Variants in CHRND observed in about 807,000 individuals in gnomAD.
CHRND encodes cholinergic receptor nicotinic delta subunit.
A neutral mutation model predicts 57.8 loss-of-function variants in CHRND; 40 were observed. The observed-to-expected ratio is 0.69, with a 90% CI of 0.54 to 0.90. CHRND has a LOEUF of 0.90. Among genes scored for constraint, CHRND ranks in the 40% least tolerant of loss-of-function variants. The pLI is 0.00. For synonymous variants in CHRND, 237 were observed against 270.6 expected (o/e 0.88, Z 1.22); for missense variants, 634 against 673.9 (o/e 0.94, Z 0.66).
In CHRND at chr2:232,528,834, G is replaced by A. The variant is rs116037888; in HGVS notation, c.510-28G>A. On this transcript the variant is annotated intron_variant, in intron 5 of 11. Coordinates refer to ENST00000258385, the MANE Select transcript of CHRND (RefSeq NM_000751.3). ...CTGTGGCCCCAGCCACTGGCCGAGT[G>A]TCACTCTCTGCCCATTGCCCTCCCC... 1,726 of 1,600,282 alleles carry A rather than the reference G, an allele frequency of 1.1e-3. 13 individuals are homozygous for A. The African/African-American group carries it at 0.019, about 18-fold the overall frequency.
In CHRND at chr2:232,535,191, C is replaced by T. The variant is rs142928493; in HGVS notation, c.1433C>T (p.Thr478Met). The T allele has an allele frequency of 4.8e-5, 78 of 1,614,094 alleles. No individual in the cohort carries two copies. Among genetic ancestry groups the T allele is most frequent in the Middle Eastern group, 3.3e-4 (2 of 6,084 alleles). ...GACCGCCTCTGCCTGTTTGTGGTGA[C>T]GCCTGTCATGGTGGTGGGCACAGCC... ...TVDRLCLFVV[T>M]PVMVVGTAWI... The change falls in exon 12 of 12, where the codon ACG becomes ATG. Residue 478 changes from threonine to methionine, a missense_variant. Physicochemically the swap from Thr to Met is moderately conservative, Grantham distance 81 (BLOSUM62 -1). Coordinates refer to ENST00000258385, the MANE Select transcript of CHRND (RefSeq NM_000751.3).
chr2:232,528,455 T>TC, intron 4 of CHRND, 46 bp from the exon 5 acceptor site: 1 of 1,613,904 alleles, frequency 6.2e-7, no homozygotes, highest in South Asian at 1.1e-5. Context: ...ACTCTGCCAG[T>TC]CGTGAGTGGC....
chr2:232,535,576 G>A lies in CHRND; in HGVS notation c.*264G>A, dbSNP rs1047987908. On this transcript the variant is annotated 3_prime_UTR_variant, in exon 12 of 12. Coordinates refer to ENST00000258385, the MANE Select transcript of CHRND (RefSeq NM_000751.3). ...GGCCCGAGGCTGGCTCAGGGGCCAG[G>A]GAGGAGGCCACTCAGGGTGGCCTCA... 3.1e-6 allele frequency: 2 copies of A among 640,812 alleles called. No homozygotes were observed. The highest frequency in any genetic ancestry group is 4.1e-4 in the Middle Eastern group (1 of 2,432). 39.7% of individuals were successfully genotyped at this position (640,812 alleles called of 1,614,324 possible).
At chr2:232,527,508 G>T (rs1691523980) in intron 3 of CHRND, 63 bp downstream of exon 3, 4 of 1,240,802 alleles carry the variant, frequency 3.2e-6, no homozygotes, top group African/African-American at 1.5e-5. Context: ...ACTTTGGAAG[G>T]CCGAGGGGGG....
At chr2:232,530,605 G>A (rs944889467) in intron 7 of CHRND, among the ~76,000 whole-genome samples, 4 of 152,168 alleles carry the variant, frequency 2.6e-5, no homozygotes, top group Non-Finnish European at 5.9e-5. Flanking sequence ...TATGAGCAGG[G>A]CATAGTGAGT....
intron 1 of CHRND, 64 bp downstream of exon 1, chr2:232,526,331 ATGGC>A (rs1003889655): frequency 1.3e-6 from 2 of 1,563,718 alleles, no homozygotes; most frequent in African/African-American, 2.7e-5. Context: ...CCCACACCGC[ATGGC>A]TCCTCACTCA....
intron 9 of CHRND, 112 bp downstream of exon 9, chr2:232,531,768 G>A: frequency 1.2e-6 from 1 of 837,224 alleles, no homozygotes; most frequent in Non-Finnish European, 2.0e-6. Context: ...GGGCAACATA[G>A]AGACACCCCT....
intron 6 of CHRND, 128 bp from the exon 7 acceptor site, chr2:232,529,811 G>C: frequency 1.1e-6 from 1 of 919,484 alleles, no homozygotes; most frequent in Admixed American, 2.4e-5. Flanking sequence ...CCCACCAACG[G>C]GACCCCGTAG....
chr2:232,526,426 C>T, intron 1 of CHRND, 103 bp from the exon 2 acceptor site: 1 of 1,578,848 alleles, frequency 6.3e-7, no homozygotes, highest in Non-Finnish European at 8.7e-7. Context: ...TGGGTTCCCC[C>T]CTGCTCATCC....
In CHRND at chr2:232,528,752, G is replaced by C. The variant is rs1691576600; in HGVS notation, c.509+96G>C. On this transcript the variant is annotated intron_variant, in intron 5 of 11. Transcript: ENST00000258385. ...ACCCTCAGACAGAGGCCCCTGCCCT[G>C]TCTGGATTAGTGCTGCCCTCCCCAC... The C allele has an allele frequency of 5.6e-6, 9 of 1,593,556 alleles. No individual in the cohort carries two copies. The African/African-American group carries it at 6.7e-5, about 12-fold the overall frequency.
chr2:232,530,159 C>T lies in CHRND; in HGVS notation c.820+20C>T, dbSNP rs750335170. On this transcript the variant is annotated intron_variant, in intron 7 of 11. Coordinates refer to ENST00000258385, the MANE Select transcript of CHRND (RefSeq NM_000751.3). ...CTGACAGTGAGCCTCCAGGCCCCGTCCCCTGCTCCCCCTCCCCAAGCCCAC... is the reference window on the plus strand; with the variant it reads ...CTGACAGTGAGCCTCCAGGCCCCGTTCCCTGCTCCCCCTCCCCAAGCCCAC... 2 of 1,611,068 alleles carry T rather than the reference C, an allele frequency of 1.2e-6. No homozygotes were observed. The highest frequency in any genetic ancestry group is 2.2e-5 in the South Asian group (2 of 91,034).
chr2:232,534,174 G>T, intron 10 of CHRND, 39 bp downstream of exon 10: 5 of 1,614,066 alleles, frequency 3.1e-6, no homozygotes, highest in Non-Finnish European at 4.2e-6. Context: ...CCCATCTGTG[G>T]GAGGTGGGTG....
chr2:232,526,346 C>T, intron 1 of CHRND, 79 bp downstream of exon 1: 1 of 1,539,864 alleles, frequency 6.5e-7, no homozygotes, highest in Non-Finnish European at 8.9e-7. Flanking sequence ...TCCTCACTCA[C>T]TCCACTCCCA....
chr2:232,529,973 C>T lies in CHRND; in HGVS notation c.654C>T (p.Ala218=). 1 of 1,614,148 alleles carries T rather than the reference C, an allele frequency of 6.2e-7. No homozygotes were observed. The highest frequency in any genetic ancestry group is 8.5e-7 in the Non-Finnish European group (1 of 1,180,024). Residue 218 remains alanine (A), a synonymous_variant, in exon 7 of 12, where the codon GCC becomes GCT. Coordinates refer to ENST00000258385, the MANE Select transcript of CHRND (RefSeq NM_000751.3). ...AGTGGGAGATAGTCCACCGGCCGGCCAGGGTCAACGTGGACCCCAGAGCCC... is the reference window on the plus strand; with the variant it reads ...AGTGGGAGATAGTCCACCGGCCGGCTAGGGTCAACGTGGACCCCAGAGCCC... The part of the protein sequence containing the change: ...NGEWEIVHRP[A]RVNVDPRAPL...
Position 232,531,963 on chromosome 2 carries a change from A to G in CHRND, c.1047+307A>G, listed in dbSNP as rs1048599720. Among the ~76,000 whole-genome samples, 3 of 149,826 alleles carry G rather than the reference A, an allele frequency of 2.0e-5. 1 individual carries two copies. The highest frequency in any genetic ancestry group is 7.4e-5 in the African/African-American group (3 of 40,686). ...CCTTGTCTCAAAAAAAAAAAAAAAA[A>G]AAAAAAAAAAAGAAATGAGCACTCT... is the stretch of plus-strand genomic sequence containing the variant. On this transcript the variant is annotated intron_variant, in intron 9 of 11. Transcript: ENST00000258385.
chr2:232,529,058 GCA>G (rs146659836), intron 6 of CHRND, 87 bp downstream of exon 6: 1,038 of 828,176 alleles, frequency 1.3e-3, no homozygotes, highest in Non-Finnish European at 1.6e-3. Flanking sequence ...ACACACACGT[GCA>G]CACACACACA....
chr2:232,528,919 G>A lies in CHRND; in HGVS notation c.567G>A (p.Glu189=). 1.2e-6 allele frequency: 2 copies of A among 1,614,102 alleles called. No homozygotes were observed. The highest frequency in any genetic ancestry group is 1.7e-6 in the Non-Finnish European group (2 of 1,180,024). The stretch of plus-strand genomic sequence containing the variant: ...TGAGCCTGAAACAGGATGCCAAGGA[G>A]AACCGCACCTACCCCGTGGAGTGGA... The part of the protein sequence containing the change: ...ITLSLKQDAK[E]NRTYPVEWII... Residue 189 remains glutamate, a synonymous_variant, in exon 6 of 12, where the codon GAG becomes GAA. Coordinates refer to ENST00000258385, the MANE Select transcript of CHRND (RefSeq NM_000751.3).
chr2:232,529,926 G>C lies in CHRND; in HGVS notation c.620-13G>C. 1 of 1,613,640 alleles carries C rather than the reference G, an allele frequency of 6.2e-7. No individual in the cohort carries two copies. Among genetic ancestry groups the C allele is most frequent in the Non-Finnish European group, 8.5e-7 (1 of 1,179,804 alleles). On this transcript the variant is annotated splice_polypyrimidine_tract_variant and intron_variant, in intron 6 of 11. Transcript: ENST00000258385. ...CCTGGCCTGACCCTAAGATGTCCAT[G>C]TGCCGCCCTCAGAGAACGGGGAGTG... is the stretch of plus-strand genomic sequence containing the variant.
Position 232,531,352 on chromosome 2 carries a change from GT to G in CHRND, c.822del (p.Ser274ArgfsTer52), listed in dbSNP as rs1057518958. ...TCACAGCTAAGTCTGGCTTCCCCAG[GT>G]GGTGAGAAGACATCAGTGGCCATCT... ...VNLVFYLPAD[S>X]GEKTSVAISV... On this transcript the variant is annotated frameshift_variant and splice_region_variant, in exon 8 of 12. Coordinates refer to ENST00000258385, the MANE Select transcript of CHRND (RefSeq NM_000751.3). LOFTEE classifies it high-confidence loss of function. 1 of 1,611,758 alleles carries G rather than the reference GT, an allele frequency of 6.2e-7. No individual in the cohort carries two copies. The highest frequency in any genetic ancestry group is 8.5e-7 in the Non-Finnish European group (1 of 1,178,318).
Sources: allele counts gnomAD v4.1 joint callset (sites outside exome capture counted in the v4.1 genomes callset), GRCh38; gene constraint gnomAD v4.1.1; transcripts MANE v1.5; gene names NCBI Gene and HGNC (gene_info 2026-07-23, HGNC 2026-07-21).